Variants in HIVEP3 observed in about 807,000 individuals in gnomAD.
HIVEP3 encodes the protein transcription factor HIVEP3.
In HIVEP3, 49 loss-of-function variants were observed where a neutral mutation model predicts 152.8. That is an observed-to-expected ratio of 0.32 (90% CI 0.26 to 0.41). The LOEUF (loss-of-function observed/expected upper bound fraction) is 0.41, where lower values mean the gene tolerates loss of function less well. Among genes scored for constraint, HIVEP3 ranks in the 10% least tolerant of loss-of-function variants. HIVEP3 has a pLI of 1.00. For missense variants in HIVEP3, 2,790 were observed against 3,103.3 expected (o/e 0.90, Z 2.40); for synonymous variants, 1,269 against 1,289.0 (o/e 0.98, Z 0.33).
intron 1 of HIVEP3, among the ~76,000 whole-genome samples, chr1:41,830,438 G>A (rs1356113084): frequency 1.3e-5 from 2 of 152,154 alleles, no homozygotes; most frequent in Admixed American, 6.5e-5. Context: ...TGGATGCTGC[G>A]GTACTGCCCA....
intron 1 of HIVEP3, among the ~76,000 whole-genome samples, chr1:41,850,830 G>GAT (rs1361260761): frequency 6.6e-6 from 1 of 152,208 alleles, no homozygotes; most frequent in Admixed American, 6.5e-5. Context: ...CTGCAGTGAT[G>GAT]ATAGCCCACA....
At chr1:41,732,519 T>C (rs1022083754) in intron 1 of HIVEP3, among the ~76,000 whole-genome samples, 5 of 151,962 alleles carry the variant, frequency 3.3e-5, no homozygotes, top group Non-Finnish European at 5.9e-5. Context: ...GCTGGTACTA[T>C]AGGAGCATAG....
In HIVEP3 at chr1:41,907,987, T is replaced by C. The variant is rs188971178; in HGVS notation, c.-801+10426A>G. Among the ~76,000 whole-genome samples, 232 of 152,276 alleles carry C rather than the reference T, an allele frequency of 1.5e-3. 4 individuals carry two copies. The highest frequency in any genetic ancestry group is 0.014 in the Admixed American group (211 of 15,294). On this transcript the variant is annotated intron_variant, in intron 1 of 8. Transcript: ENST00000372583. ...GAGCTGGTCTCCAGGTGGTGAAGCC[T>C]ATAATTCTATAAAAACTGGAGATTG... is the stretch of plus-strand genomic sequence containing the variant.
intron 1 of HIVEP3, among the ~76,000 whole-genome samples, chr1:41,954,077 T>C (rs2124493286): frequency 6.6e-6 from 1 of 152,284 alleles, no homozygotes; most frequent in South Asian, 2.1e-4. Flanking sequence ...CTAAAAGGAC[T>C]GCGCAGGGCC....
At chr1:41,527,464 TCA>T (rs753272898) in intron 5 of HIVEP3, among the ~76,000 whole-genome samples, 45 of 72,580 alleles carry the variant, frequency 6.2e-4, no homozygotes, top group Admixed American at 9.8e-4. Context: ...ACCCCTGTCC[TCA>T]CACTCACCTT....
At chr1:41,564,028 C>T (rs1179227944) in intron 5 of HIVEP3, among the ~76,000 whole-genome samples, 5 of 152,080 alleles carry the variant, frequency 3.3e-5, no homozygotes, top group African/African-American at 1.2e-4. Flanking sequence ...CCTGTCTCTA[C>T]TCAAAATACA....
At chr1:41,735,330 C>T (rs185283340) in intron 1 of HIVEP3, among the ~76,000 whole-genome samples, 189 of 152,254 alleles carry the variant, frequency 1.2e-3, no homozygotes, top group Non-Finnish European at 2.2e-3. Context: ...CTGATGGTGA[C>T]GATGGTGAAG....
upstream of HIVEP3, among the ~76,000 whole-genome samples, chr1:41,921,749 G>C (rs1212183812): frequency 6.6e-6 from 1 of 152,136 alleles, no homozygotes; most frequent in Non-Finnish European, 1.5e-5. Context: ...GGGACATCAG[G>C]AACATGGTCA....
At chr1:41,892,066 A>G (rs2124442105) in intron 1 of HIVEP3, among the ~76,000 whole-genome samples, 1 of 152,358 alleles carries the variant, frequency 6.6e-6, no homozygotes, top group South Asian at 2.1e-4. Flanking sequence ...CATCAAAACA[A>G]GAGAAAAGTA....
At chr1:42,023,649 G>A (rs995556246) in intron 1 of HIVEP3, among the ~76,000 whole-genome samples, 2 of 151,920 alleles carry the variant, frequency 1.3e-5, no homozygotes, top group Non-Finnish European at 2.9e-5. Context: ...AGCACCTCCC[G>A]CCATTCTCTC....
intron 1 of HIVEP3, among the ~76,000 whole-genome samples, chr1:41,772,983 G>A (rs1437863188): frequency 1.3e-5 from 2 of 152,176 alleles, no homozygotes; most frequent in East Asian, 3.8e-4. Flanking sequence ...AACACTGTAT[G>A]TGCACTGCAT....
chr1:41,949,637 T>C (rs929632832), intron 1 of HIVEP3, among the ~76,000 whole-genome samples: 1 of 152,134 alleles, frequency 6.6e-6, no homozygotes, highest in African/African-American at 2.4e-5. Flanking sequence ...CCTCAGCCAA[T>C]GGATGCCCTG....
At chr1:41,544,531 C>T (rs919316436) in intron 5 of HIVEP3, among the ~76,000 whole-genome samples, 11 of 151,678 alleles carry the variant, frequency 7.3e-5, no homozygotes, top group African/African-American at 2.7e-4. Context: ...GGATGTCTCT[C>T]CACAGCAAAC....
chr1:41,585,843 G>C (rs1404364916), intron 3 of HIVEP3, among the ~76,000 whole-genome samples: 1 of 152,190 alleles, frequency 6.6e-6, no homozygotes, highest in Non-Finnish European at 1.5e-5. Flanking sequence ...GGAAGTGCCT[G>C]TGGTTTATTC....
At chr1:41,552,035 C>T (rs537583939) in intron 5 of HIVEP3, among the ~76,000 whole-genome samples, 1 of 152,256 alleles carries the variant, frequency 6.6e-6, no homozygotes, top group East Asian at 1.9e-4. Context: ...ATAAATTTCC[C>T]TCTACACACT....
At chr1:41,700,029 C>A (rs1185579491) in intron 2 of HIVEP3, among the ~76,000 whole-genome samples, 1 of 152,154 alleles carries the variant, frequency 6.6e-6, no homozygotes, top group Non-Finnish European at 1.5e-5. Context: ...CCATTTTTCA[C>A]CCGGTGAACT....
intron 1 of HIVEP3, among the ~76,000 whole-genome samples, chr1:41,914,003 C>G (rs1247839206): frequency 6.6e-6 from 1 of 152,160 alleles, no homozygotes; most frequent in Non-Finnish European, 1.5e-5. Flanking sequence ...CTCCCCAAAT[C>G]TGAAAGGCAT....
intron 2 of HIVEP3, among the ~76,000 whole-genome samples, chr1:41,649,203 C>G (rs967750102): frequency 3.3e-5 from 5 of 152,010 alleles, no homozygotes; most frequent in Admixed American, 1.3e-4. Context: ...TTCATTGAGT[C>G]TTACTCTGGG....
intron 2 of HIVEP3, among the ~76,000 whole-genome samples, chr1:41,658,355 A>C (rs554505396): frequency 1.3e-5 from 2 of 152,334 alleles, no homozygotes; most frequent in African/African-American, 4.8e-5. Flanking sequence ...GTCCTAGCTC[A>C]AACCAGTTAT....
Sources: gnomAD v4.1 joint callset for allele counts (sites outside exome capture counted in the v4.1 genomes callset) on GRCh38, gnomAD v4.1.1 for gene constraint, MANE v1.5 for transcripts, NCBI Gene and HGNC (gene_info 2026-07-23, HGNC 2026-07-21) for gene names.